The following DPT variants were observed in gnomAD, a reference collection of about 807,000 sequenced individuals.
DPT encodes tyrosine-rich acidic matrix protein.
A neutral mutation model predicts 31.2 loss-of-function variants in DPT; 21 were observed. The observed-to-expected ratio is 0.67, with a 90% CI of 0.48 to 0.97. The LOEUF (loss-of-function observed/expected upper bound fraction) is 0.97. DPT is among the 50% of genes least tolerant of loss of function. DPT has a pLI of 0.00. For synonymous variants in DPT, 91 were observed against 86.9 expected (o/e 1.05, Z -0.26); for missense variants, 262 against 258.8 (o/e 1.01, Z -0.08).
intron 2 of DPT, among the ~76,000 whole-genome samples, chr1:168,712,482 C>A (rs1477426942): frequency 6.6e-6 from 1 of 152,190 alleles, no homozygotes; most frequent in Admixed American, 6.5e-5. Flanking sequence ...GTTTTGCTTG[C>A]TCTTTCAGGT....
At chr1:168,704,541 C>T (rs888885276) in intron 2 of DPT, among the ~76,000 whole-genome samples, 3 of 151,954 alleles carry the variant, frequency 2.0e-5, no homozygotes, top group African/African-American at 7.3e-5. Flanking sequence ...AGCGAGACTC[C>T]GTCTCAAACA....
chr1:168,696,660 A>G lies in DPT; in HGVS notation c.540-45T>C, dbSNP rs1263092847. 7.0e-6 allele frequency: 11 copies of G among 1,568,448 alleles called. No homozygotes were observed. In the African/African-American group the frequency reaches 8.1e-5, roughly 12 times the overall value. ...AAAATGAATGTCAGTGAGAAAGGAC[A>G]TGGCAGGAAGAATCGCTGCTGGGGA... On this transcript the variant is annotated intron_variant, in intron 3 of 3. Transcript: ENST00000367817.
intron 1 of DPT, among the ~76,000 whole-genome samples, chr1:168,724,617 G>C (rs975862852): frequency 6.6e-6 from 1 of 152,094 alleles, no homozygotes; most frequent in African/African-American, 2.4e-5. Flanking sequence ...TGGAGACAGC[G>C]AGATGTGTGG....
chr1:168,724,020 C>T (rs977074309), intron 1 of DPT, among the ~76,000 whole-genome samples: 5 of 152,142 alleles, frequency 3.3e-5, no homozygotes, highest in African/African-American at 1.2e-4. Flanking sequence ...TCAGTTCTTC[C>T]ACAAATGTCA....
chr1:168,702,867 C>T (rs1649633808), intron 2 of DPT, among the ~76,000 whole-genome samples: 1 of 152,142 alleles, frequency 6.6e-6, no homozygotes, highest in African/African-American at 2.4e-5. Context: ...CCGCCTCAGC[C>T]TCCCAAAGTG....
At chr1:168,726,017 G>C (rs962700790) in intron 1 of DPT, among the ~76,000 whole-genome samples, 1 of 152,160 alleles carries the variant, frequency 6.6e-6, no homozygotes, top group Non-Finnish European at 1.5e-5. Context: ...GAACTCAAAG[G>C]CATAATCATT....
At chr1:168,712,901 G>T (rs1291415859) in intron 2 of DPT, among the ~76,000 whole-genome samples, 1 of 152,066 alleles carries the variant, frequency 6.6e-6, no homozygotes, top group Non-Finnish European at 1.5e-5. Flanking sequence ...TGAAGACAAG[G>T]TCTATAGTTT....
At chr1:168,708,956 G>C (rs571613760) in intron 2 of DPT, among the ~76,000 whole-genome samples, 1 of 152,212 alleles carries the variant, frequency 6.6e-6, no homozygotes, top group South Asian at 2.1e-4. Flanking sequence ...ATGTTAACTA[G>C]AGCTATACAG....
At chr1:168,716,032 C>A (rs1363242759) in intron 1 of DPT, among the ~76,000 whole-genome samples, 1 of 152,170 alleles carries the variant, frequency 6.6e-6, no homozygotes, top group Non-Finnish European at 1.5e-5. Context: ...CTTGTTGACA[C>A]ACAAATTGTA....
intron 1 of DPT, among the ~76,000 whole-genome samples, chr1:168,723,830 T>G (rs1169951137): frequency 6.6e-6 from 1 of 152,212 alleles, no homozygotes; most frequent in Non-Finnish European, 1.5e-5. Flanking sequence ...TATATTTATT[T>G]TTTTAAATTT....
At chr1:168,714,756 C>A (rs1281902765) in intron 1 of DPT, among the ~76,000 whole-genome samples, 1 of 152,168 alleles carries the variant, frequency 6.6e-6, no homozygotes, top group South Asian at 2.1e-4. Flanking sequence ...AAGAGAAGCA[C>A]AACGTATTGA....
intron 2 of DPT, among the ~76,000 whole-genome samples, chr1:168,705,247 C>T (rs914100143): frequency 6.6e-6 from 1 of 152,206 alleles, no homozygotes; most frequent in Non-Finnish European, 1.5e-5. Context: ...GAAAGTCAAA[C>T]TTCATAGCAC....
chr1:168,719,922 T>A (rs1650064563), intron 1 of DPT, among the ~76,000 whole-genome samples: 1 of 152,098 alleles, frequency 6.6e-6, no homozygotes, highest in Admixed American at 6.5e-5. Flanking sequence ...AGGTAATTAC[T>A]CCTCCTCTGA....
At chr1:168,719,107 C>T (rs1020612024) in intron 1 of DPT, among the ~76,000 whole-genome samples, 7 of 152,080 alleles carry the variant, frequency 4.6e-5, no homozygotes, top group Admixed American at 1.3e-4. Context: ...ATGAGTGACC[C>T]GACTATGTCC....
chr1:168,722,034 C>CA (rs1650126479), intron 1 of DPT, among the ~76,000 whole-genome samples: 2 of 152,144 alleles, frequency 1.3e-5, no homozygotes, highest in South Asian at 4.1e-4. Flanking sequence ...ACAAATTCCT[C>CA]AGGTTTTTTT....
At chr1:168,718,432 G>A (rs1365448731) in intron 1 of DPT, among the ~76,000 whole-genome samples, 1 of 152,202 alleles carries the variant, frequency 6.6e-6, no homozygotes, top group Non-Finnish European at 1.5e-5. Context: ...CAGACTCAGA[G>A]CCTAAGAACA....
chr1:168,714,372 C>T, intron 1 of DPT, 26 bp from the exon 2 acceptor site: 1 of 1,614,008 alleles, frequency 6.2e-7, no homozygotes, highest in Non-Finnish European at 8.5e-7. Flanking sequence ...CCCCAGGAAC[C>T]TAAGAACAGT....
intron 1 of DPT, among the ~76,000 whole-genome samples, chr1:168,716,717 C>A (rs931065421): frequency 1.3e-5 from 2 of 152,270 alleles, no homozygotes; most frequent in Non-Finnish European, 2.9e-5. Context: ...CACTCTACCC[C>A]CGACTGGTCC....
rs1649461472 is a variant in DPT at position 168,696,197 on chromosome 1, T to G, written c.*352A>C. 2.3e-6 allele frequency: 1 copy of G among 430,758 alleles called. No homozygotes were observed. The highest frequency in any genetic ancestry group is 2.0e-5 in the African/African-American group (1 of 49,412). 26.7% of individuals were successfully genotyped at this position (430,758 alleles called of 1,614,324 possible). On this transcript the variant is annotated 3_prime_UTR_variant, in exon 4 of 4. Coordinates refer to ENST00000367817, the MANE Select transcript of DPT (RefSeq NM_001937.5). The stretch of plus-strand genomic sequence containing the variant: ...GCCTCTCCCCTCCACTATGCTGAAC[T>G]TGCAGTTCATTCTGCAGTAAAAAGC...
Sources: allele counts gnomAD v4.1 joint callset (sites outside exome capture counted in the v4.1 genomes callset), GRCh38; gene constraint gnomAD v4.1.1; transcripts MANE v1.5; gene names NCBI Gene and HGNC (gene_info 2026-07-23, HGNC 2026-07-21).